Variants in ADGRE3 observed in about 807,000 individuals in gnomAD.
The protein encoded by ADGRE3 is EGF-like module receptor 3.
A neutral mutation model predicts 80.1 loss-of-function variants in ADGRE3; 88 were observed. The ratio of observed to expected loss-of-function variants is 1.10; its 90% CI spans 0.93 to 1.31. ADGRE3 has a LOEUF of 1.31. Ranked by LOEUF, ADGRE3 falls within the 40% of genes most tolerant of loss-of-function variation. The probability of loss-of-function intolerance (pLI) is 0.00; values close to 1 mark genes in which losing one functional copy is unlikely to be tolerated. For missense variants in ADGRE3, 715 were observed against 776.5 expected (o/e 0.92, Z 0.94); for synonymous variants, 281 against 294.8 (o/e 0.95, Z 0.48).
At chr19:14,620,435 T>TATGTATATTCATGTATATATGAATATAC (rs1970515959) in intron 15 of ADGRE3, among the ~76,000 whole-genome samples, 1 of 146,072 alleles carries the variant, frequency 6.8e-6, no homozygotes, top group Non-Finnish European at 1.5e-5. Flanking sequence ...TATGAATATA[T>TATGTATATTCATGTATATATGAATATAC]ATGTATATTC....
Position 14,620,548 on chromosome 19 carries a change from T to TAATATATA in ADGRE3, c.1921-1078_1921-1077insTATATATT. On this transcript the variant is annotated intron_variant, in intron 15 of 15. Coordinates refer to ENST00000253673, the MANE Select transcript of ADGRE3 (RefSeq NM_032571.5). ...TGAATATATATATTTTATATATATA[T>TAATATATA]TATATATATATATATATATATTTTT... is the stretch of plus-strand genomic sequence containing the variant. 2.3e-3 allele frequency among the ~76,000 whole-genome samples: 57 copies of TAATATATA among 24,952 alleles called. 1 individual carries two copies. The highest frequency in any genetic ancestry group is 6.0e-3 in the East Asian group (4 of 666). 16.4% of individuals were successfully genotyped at this position (24,952 alleles called of 152,430 possible). A position where few individuals can be genotyped will look rare whatever the true frequency, so the allele number is the denominator to read the frequency against.
At chr19:14,664,880 GCTGTCTA>G (rs1311539028) in intron 2 of ADGRE3, among the ~76,000 whole-genome samples, 7 of 151,886 alleles carry the variant, frequency 4.6e-5, no homozygotes, top group African/African-American at 1.7e-4. Context: ...CAGATTCTGA[GCTGTCTA>G]CTGCTTATTG....
rs572188950 is a variant in ADGRE3 at position 14,638,206 on chromosome 19, T to C, written c.1383A>G (p.Arg461=). 1 of 1,613,766 alleles carries C rather than the reference T, an allele frequency of 6.2e-7. No individual in the cohort carries two copies. Among genetic ancestry groups the C allele is most frequent in the African/African-American group, 1.3e-5 (1 of 74,900 alleles). ...LTVVNYSSIN[R]LMKWIMFPVG... is the part of the protein sequence containing the mutation. ...CTGGGAACATGATCCACTTCATGAGTCTATTGATGCTTGAGTAGTTGACCA... is the reference window on the plus strand; with the variant it reads ...CTGGGAACATGATCCACTTCATGAGCCTATTGATGCTTGAGTAGTTGACCA... Residue 461 remains arginine (R), a synonymous_variant, in exon 11 of 16, where the codon AGA becomes AGG. Transcript: ENST00000253673.
At position 14,663,556 on chromosome 19, in the gene ADGRE3, A is replaced by C. The variant is rs771022862; in HGVS notation, c.77-16T>G. ...GCACAGGAAGCTGCAGGGAGAAGAGAGGCAGGTTAAATGGACTGGGGTCAC... is the reference window on the plus strand; with the variant it reads ...GCACAGGAAGCTGCAGGGAGAAGAGCGGCAGGTTAAATGGACTGGGGTCAC... On this transcript the variant is annotated splice_polypyrimidine_tract_variant and intron_variant, in intron 2 of 15. Transcript: ENST00000253673. 2 of 1,609,604 alleles carry C rather than the reference A, an allele frequency of 1.2e-6. No homozygotes were observed. Among genetic ancestry groups the C allele is most frequent in the East Asian group, 4.5e-5 (2 of 44,692 alleles).
chr19:14,620,070 G>C (rs1970494594), intron 15 of ADGRE3, among the ~76,000 whole-genome samples: 2 of 152,042 alleles, frequency 1.3e-5, no homozygotes, highest in South Asian at 4.1e-4. Flanking sequence ...TTTTTCCATA[G>C]GCAACATTGC....
At position 14,655,049 on chromosome 19, in the gene ADGRE3, C is replaced by T. The variant is rs143842724; in HGVS notation, c.510G>A (p.Ser170=). 24 of 1,614,032 alleles carry T rather than the reference C, an allele frequency of 1.5e-5. No individual in the cohort carries two copies. The highest frequency in any genetic ancestry group is 1.6e-4 in the Middle Eastern group (1 of 6,062). ...CTTTCAAGGCAGTTTCTAGAACTTT[C>T]GATTCCACATCCCGGAGAATAGTGG... The part of the protein sequence containing the change: ...TATTILRDVE[S]KVLETALKDP... Residue 170 remains serine (S), a synonymous_variant, in exon 6 of 16, where the codon TCG becomes TCA. Coordinates refer to ENST00000253673, the MANE Select transcript of ADGRE3 (RefSeq NM_032571.5).
chr19:14,610,031 C>G, the ADGRE3 span: 1 of 1,537,520 alleles, frequency 6.5e-7, no homozygotes, highest in East Asian at 2.2e-5. Flanking sequence ...CCTAAAGATC[C>G]CTGTCCCTCT....
At chr19:14,601,580 C>G in the ADGRE3 span, among the ~76,000 whole-genome samples, 3 of 152,064 alleles carry the variant, frequency 2.0e-5, no homozygotes, top group Non-Finnish European at 4.4e-5. Context: ...AGTCCATGGT[C>G]TTGACCATAG....
At chr19:14,660,344 T>C (rs750960686) in intron 4 of ADGRE3, among the ~76,000 whole-genome samples, 50 of 152,172 alleles carry the variant, frequency 3.3e-4, no homozygotes, top group Non-Finnish European at 7.3e-5. Context: ...GACAGATTTA[T>C]GGCTGAGTGC....
intron 4 of ADGRE3, among the ~76,000 whole-genome samples, chr19:14,659,526 A>T (rs929738749): frequency 5.3e-5 from 8 of 152,098 alleles, no homozygotes; most frequent in South Asian, 2.1e-4. Flanking sequence ...CTTAGTGAGG[A>T]CATCTCTGCT....
downstream of ADGRE3, among the ~76,000 whole-genome samples, chr19:14,618,445 T>A (rs906475275): frequency 6.6e-6 from 1 of 151,866 alleles, no homozygotes; most frequent in Admixed American, 6.6e-5. Flanking sequence ...GTCCCAGCTA[T>A]CGGGAGGCTA....
At chr19:14,658,672 A>C in intron 4 of ADGRE3, 122 bp from the exon 5 acceptor site, 1 of 462,158 alleles carries the variant, frequency 2.2e-6, no homozygotes, top group Non-Finnish European at 3.8e-6. Context: ...GCCTGAATTC[A>C]TAGTCTTTAT....
Position 14,641,402 on chromosome 19 carries a change from T to C in ADGRE3, c.1248+17A>G. ...ACCTTGGGGCAGAAAGGGCATCCTC[T>C]GAGACACTGTCAGTACCTTGGGTTC... On this transcript the variant is annotated intron_variant, in intron 10 of 15. Coordinates refer to ENST00000253673, the MANE Select transcript of ADGRE3 (RefSeq NM_032571.5). 6.2e-7 allele frequency: 1 copy of C among 1,614,008 alleles called. No homozygotes were observed. Among genetic ancestry groups the C allele is most frequent in the Non-Finnish European group, 8.5e-7 (1 of 1,179,906 alleles).
downstream of ADGRE3, among the ~76,000 whole-genome samples, chr19:14,618,886 G>A (rs1467600156): frequency 6.9e-6 from 1 of 145,218 alleles, no homozygotes; most frequent in Admixed American, 7.1e-5. Flanking sequence ...CCTGTATCTA[G>A]CAAGGAAGTA....
intron 5 of ADGRE3, among the ~76,000 whole-genome samples, chr19:14,656,353 C>CAAAAAAAAAAAAAAAAA: frequency 1.2e-5 from 1 of 82,416 alleles, no homozygotes; most frequent in South Asian, 4.3e-4. Context: ...GACTCCATCT[C>CAAAAAAAAAAAAAAAAA]AAAAAAAAAA....
Position 14,662,071 on chromosome 19 carries a change from C to T in ADGRE3, c.247G>A (p.Ala83Thr), listed in dbSNP as rs763019388. 1.9e-5 allele frequency: 31 copies of T among 1,613,980 alleles called. No individual in the cohort carries two copies. Among genetic ancestry groups the T allele is most frequent in the Admixed American group, 5.0e-5 (3 of 60,002 alleles). The stretch of plus-strand genomic sequence containing the variant: ...CTTCCTTCGACATTGTAACACACAG[C>T]GTTAAATCCACAATATACACTATAG... ...PPYSVYCGFNAVCYNVEGSFY... is the reference protein window; with the variant it reads ...PPYSVYCGFNTVCYNVEGSFY... The change falls in exon 4 of 16, where the codon GCT (alanine) becomes ACT (threonine). Residue 83 changes from alanine to threonine, a missense_variant. Transcript: ENST00000253673.
the ADGRE3 span, among the ~76,000 whole-genome samples, chr19:14,603,768 A>C: frequency 6.6e-6 from 1 of 152,060 alleles, no homozygotes; most frequent in African/African-American, 2.4e-5. Context: ...GCCCTAACCC[A>C]TAGCTCACTT....
At chr19:14,629,841 T>C (rs1377165415) in intron 14 of ADGRE3, among the ~76,000 whole-genome samples, 198 bp downstream of exon 14, 1 of 152,178 alleles carries the variant, frequency 6.6e-6, no homozygotes, top group Non-Finnish European at 1.5e-5. Context: ...AGCAATTATT[T>C]ATATTCTGAA....
At chr19:14,615,199 C>T (rs2075068281), downstream of ADGRE3, among the ~76,000 whole-genome samples, 1 of 91,056 alleles carries the variant, frequency 1.1e-5, no homozygotes, top group African/African-American at 3.7e-5. Context: ...CTACAGCTGC[C>T]TTCTTTTTTT....
Sources: allele counts gnomAD v4.1 joint callset (sites outside exome capture counted in the v4.1 genomes callset), GRCh38; gene constraint gnomAD v4.1.1; transcripts MANE v1.5; gene names NCBI Gene and HGNC (gene_info 2026-07-23, HGNC 2026-07-21).